Variants in SNTB1 observed in about 807,000 individuals in gnomAD.
The protein encoded by SNTB1 is beta-1-syntrophin.
SNTB1 carries 36 observed loss-of-function variants against 48.9 expected under a neutral mutation model. The ratio of observed to expected loss-of-function variants is 0.74; its 90% CI spans 0.56 to 0.97. The LOEUF (loss-of-function observed/expected upper bound fraction) is 0.97. SNTB1 is among the 50% of genes least tolerant of loss of function. The pLI is 0.00. For missense variants in SNTB1, 786 were observed against 703.4 expected (o/e 1.12, Z -1.33); for synonymous variants, 299 against 294.6 (o/e 1.01, Z -0.15).
At chr8:120,688,966 T>A (rs1428161377) in intron 2 of SNTB1, among the ~76,000 whole-genome samples, 1 of 152,160 alleles carries the variant, frequency 6.6e-6, no homozygotes, top group African/African-American at 2.4e-5. Context: ...TCTCAGGGAC[T>A]AAGGATGTGG....
At position 120,548,895 on chromosome 8, in the gene SNTB1, C is replaced by T. The variant is rs377444423; in HGVS notation, c.1200G>A (p.Thr400=). ...PQAGVDLSFA[T]RTGTRQGIET... ...CAATCCCTTGCCTGGTACCAGTTCG[C>T]GTTGCAAAGGACAGATCCACACCAG... is the stretch of plus-strand genomic sequence containing the variant. The change falls in exon 5 of 7, where the codon ACG becomes ACA. Residue 400 remains threonine, a synonymous_variant. Coordinates refer to ENST00000517992, the MANE Select transcript of SNTB1 (RefSeq NM_021021.4). 83 of 1,612,386 alleles carry T rather than the reference C, an allele frequency of 5.1e-5. No individual in the cohort carries two copies. The highest frequency in any genetic ancestry group is 6.7e-5 in the East Asian group (3 of 44,836).
At chr8:120,754,637 T>C (rs1819284149) in intron 1 of SNTB1, among the ~76,000 whole-genome samples, 1 of 152,124 alleles carries the variant, frequency 6.6e-6, no homozygotes, top group Admixed American at 6.6e-5. Context: ...ATGTGAAGTG[T>C]AGATGTAGAG....
intron 2 of SNTB1, among the ~76,000 whole-genome samples, chr8:120,646,334 G>A (rs1324562191): frequency 5.8e-4 from 79 of 137,030 alleles, no homozygotes; most frequent in African/African-American, 1.2e-3. Flanking sequence ...TTTGAAATAC[G>A]TCCCATCAAT....
intron 3 of SNTB1, among the ~76,000 whole-genome samples, chr8:120,583,134 A>G (rs559630514): frequency 4.6e-5 from 7 of 152,282 alleles, no homozygotes; most frequent in African/African-American, 1.7e-4. Flanking sequence ...ATAGCATTAA[A>G]TGTACGATAA....
chr8:120,722,185 G>T (rs943643811), intron 1 of SNTB1, among the ~76,000 whole-genome samples: 6 of 152,184 alleles, frequency 3.9e-5, no homozygotes, highest in Non-Finnish European at 7.3e-5. Flanking sequence ...AGTGAACTGT[G>T]AATAGTGCCA....
chr8:120,792,119 A>C lies in SNTB1; in HGVS notation c.571+19154T>G, dbSNP rs13270003. ...TAAAGAAGCACACACACACACACAC[A>C]CCCACACACACATACATACACCCAC... On this transcript the variant is annotated intron_variant, in intron 1 of 6. Transcript: ENST00000517992. 8.0e-4 allele frequency among the ~76,000 whole-genome samples: 117 copies of C among 146,900 alleles called. 1 individual carries two copies. Among genetic ancestry groups the C allele is most frequent in the Middle Eastern group, 3.5e-3 (1 of 282 alleles).
At chr8:120,666,825 T>G (rs181079015) in intron 2 of SNTB1, among the ~76,000 whole-genome samples, 2 of 152,142 alleles carry the variant, frequency 1.3e-5, no homozygotes, top group Non-Finnish European at 2.9e-5. Context: ...TTACTAGGTA[T>G]TTTTTGCTAT....
intron 1 of SNTB1, among the ~76,000 whole-genome samples, chr8:120,788,908 A>G (rs1458530931): frequency 1.3e-5 from 2 of 152,116 alleles, no homozygotes; most frequent in Non-Finnish European, 2.9e-5. Context: ...AGACCCTTAC[A>G]AAACATACTA....
chr8:120,708,253 T>C (rs1212070811), intron 1 of SNTB1, among the ~76,000 whole-genome samples: 4 of 151,746 alleles, frequency 2.6e-5, no homozygotes, highest in African/African-American at 9.7e-5. Flanking sequence ...TGGTTAGTCT[T>C]GTAACTCTTA....
chr8:120,727,370 G>A (rs542362893), intron 1 of SNTB1, among the ~76,000 whole-genome samples: 1 of 152,300 alleles, frequency 6.6e-6, no homozygotes, highest in Non-Finnish European at 1.5e-5. Flanking sequence ...GAGCAGACAC[G>A]TTGGGGTCAG....
At chr8:120,639,644 C>T (rs1321654824) in intron 2 of SNTB1, among the ~76,000 whole-genome samples, 4 of 152,084 alleles carry the variant, frequency 2.6e-5, no homozygotes, top group Non-Finnish European at 5.9e-5. Flanking sequence ...GAATCCTTTC[C>T]CCATTTCTTG....
chr8:120,811,413 T>C lies in SNTB1; in HGVS notation c.431A>G (p.Lys144Arg), dbSNP rs1423418827. The C allele has an allele frequency of 9.3e-6, 15 of 1,613,922 alleles. No individual in the cohort carries two copies. The highest frequency in any genetic ancestry group is 1.2e-5 in the Non-Finnish European group (14 of 1,179,896). Residue 144 changes from lysine to arginine, a missense_variant, in exon 1 of 7, where the codon AAG becomes AGG. Lys to Arg is a conservative substitution (Grantham distance 26). Transcript: ENST00000517992. ...TTGGGTCTGGTCCGCCGCCAGCCCC[T>C]TGAAGATCTTGCTGATGAGGATGGG... ...KMPILISKIFKGLAADQTQAL... is the reference protein window; with the variant it reads ...KMPILISKIFRGLAADQTQAL...
intron 1 of SNTB1, among the ~76,000 whole-genome samples, chr8:120,719,482 C>T (rs973095532): frequency 6.6e-6 from 1 of 152,150 alleles, no homozygotes; most frequent in Non-Finnish European, 1.5e-5. Context: ...TTCAGGCACA[C>T]TCCTAGTTTC....
intron 4 of SNTB1, among the ~76,000 whole-genome samples, chr8:120,553,370 G>C (rs192794085): frequency 1.3e-3 from 191 of 152,316 alleles, no homozygotes; most frequent in African/African-American, 4.5e-3. Context: ...TTAATGAAAC[G>C]TATAGTACTG....
intron 3 of SNTB1, among the ~76,000 whole-genome samples, chr8:120,579,143 C>T (rs753136501): frequency 2.6e-5 from 4 of 152,116 alleles, no homozygotes; most frequent in Non-Finnish European, 5.9e-5. Flanking sequence ...CGCCATTGCA[C>T]TCCAGCCTGG....
At chr8:120,634,812 T>C (rs1817046504) in intron 2 of SNTB1, among the ~76,000 whole-genome samples, 1 of 151,998 alleles carries the variant, frequency 6.6e-6, no homozygotes, top group African/African-American at 2.4e-5. Flanking sequence ...ATTTGGAAAG[T>C]GAGATGTCAC....
intron 4 of SNTB1, among the ~76,000 whole-genome samples, chr8:120,550,901 T>C (rs1815469275): frequency 6.6e-6 from 1 of 152,172 alleles, no homozygotes; most frequent in Non-Finnish European, 1.5e-5. Context: ...TGCTCAAAAG[T>C]GTTTGTGTTT....
chr8:120,561,114 G>A (rs1481080821), intron 4 of SNTB1, among the ~76,000 whole-genome samples: 3 of 151,844 alleles, frequency 2.0e-5, no homozygotes, highest in Non-Finnish European at 2.9e-5. Flanking sequence ...GATCACTTGA[G>A]GTCAGGAGTT....
chr8:120,729,161 T>A (rs1818811947), intron 1 of SNTB1, among the ~76,000 whole-genome samples: 1 of 152,134 alleles, frequency 6.6e-6, no homozygotes. Flanking sequence ...GTATTTTGTT[T>A]CAGAGGCGTG....
Sources: gnomAD v4.1 joint callset for allele counts (sites outside exome capture counted in the v4.1 genomes callset) on GRCh38, gnomAD v4.1.1 for gene constraint, MANE v1.5 for transcripts, NCBI Gene and HGNC (gene_info 2026-07-23, HGNC 2026-07-21) for gene names.